CASP6: variants seen among roughly 807,000 people sequenced by gnomAD.
The protein encoded by CASP6 is caspase 6, also known as caspase-6.
A neutral mutation model predicts 31.8 loss-of-function variants in CASP6; 20 were observed. The ratio of observed to expected loss-of-function variants is 0.63; its 90% CI spans 0.44 to 0.91. The LOEUF is 0.91. Among genes scored for constraint, CASP6 ranks in the 40% least tolerant of loss-of-function variants. The pLI is 0.00. For synonymous variants in CASP6, 130 were observed against 127.8 expected, an observed-to-expected ratio of 1.02 and a Z score of -0.12; for missense variants, 328 against 361.1, an observed-to-expected ratio of 0.91 and a Z score of 0.74.
At chr4:109,685,149 G>C (rs1436726231), downstream of CASP6, 9 of 626,474 alleles carry the variant, frequency 1.4e-5, no homozygotes, top group East Asian at 5.1e-5. Context: ...TCATTCATCT[G>C]CCTTCTTTTG....
At chr4:109,704,528 G>A (rs971629818), upstream of CASP6, among the ~76,000 whole-genome samples, 5 of 152,250 alleles carry the variant, frequency 3.3e-5, no homozygotes, top group African/African-American at 1.2e-4. Flanking sequence ...TATGGAGGCT[G>A]AGAGAGGTGA....
the CASP6 span, among the ~76,000 whole-genome samples, chr4:109,678,653 C>T: frequency 6.8e-6 from 1 of 147,506 alleles, no homozygotes; most frequent in Non-Finnish European, 1.5e-5. Context: ...CAGAGGCGCT[C>T]CTCACCTCTC....
chr4:109,706,687 T>C (rs1375065620), upstream of CASP6, among the ~76,000 whole-genome samples: 1 of 152,052 alleles, frequency 6.6e-6, no homozygotes, highest in Non-Finnish European at 1.5e-5. Context: ...TCCCAGGACT[T>C]TGGGAGGCCA....
At chr4:109,682,640 A>G in the CASP6 span, 2 of 1,613,300 alleles carry the variant, frequency 1.2e-6, no homozygotes, top group East Asian at 2.2e-5. Flanking sequence ...TGGTTCACAG[A>G]CTATTTACAA....
the CASP6 span, among the ~76,000 whole-genome samples, chr4:109,677,745 T>A: frequency 6.6e-6 from 1 of 151,728 alleles, no homozygotes; most frequent in African/African-American, 2.4e-5. Flanking sequence ...TGCTGGTGCA[T>A]TGATCTTGGA....
At chr4:109,686,449 A>G (rs940548049), downstream of CASP6, among the ~76,000 whole-genome samples, 1 of 152,218 alleles carries the variant, frequency 6.6e-6, no homozygotes, top group Non-Finnish European at 1.5e-5. Context: ...AAGCCTTTTT[A>G]AAAAATGTAT....
At chr4:109,694,487 A>C in intron 5 of CASP6, 38 bp downstream of exon 5, 1 of 1,484,302 alleles carries the variant, frequency 6.7e-7, no homozygotes, top group Non-Finnish European at 9.0e-7. Flanking sequence ...TCAGAATGAC[A>C]GACTTTATAA....
At chr4:109,665,935 A>G in the CASP6 span, among the ~76,000 whole-genome samples, 1 of 151,858 alleles carries the variant, frequency 6.6e-6, no homozygotes, top group African/African-American at 2.4e-5. Context: ...GAGGAGTGAA[A>G]AAAGGGGGAG....
chr4:109,695,464 A>G (rs1165371661), intron 4 of CASP6, among the ~76,000 whole-genome samples: 2 of 152,162 alleles, frequency 1.3e-5, no homozygotes, highest in Non-Finnish European at 2.9e-5. Context: ...CTATAGGAAT[A>G]CAGCACTTAG....
At chr4:109,707,685 T>A (rs1309071565), upstream of CASP6, among the ~76,000 whole-genome samples, 1 of 152,154 alleles carries the variant, frequency 6.6e-6, no homozygotes, top group East Asian at 1.9e-4. Flanking sequence ...ACCTGGCTTC[T>A]CCTGGATTTT....
At chr4:109,690,402 A>G (rs959971360) in intron 6 of CASP6, among the ~76,000 whole-genome samples, 3 of 151,890 alleles carry the variant, frequency 2.0e-5, no homozygotes, top group Non-Finnish European at 4.4e-5. Context: ...GCATGCCTAT[A>G]GTCCCAGCTA....
chr4:109,687,592 A>G (rs965758759), downstream of CASP6: 1 of 1,596,530 alleles, frequency 6.3e-7, no homozygotes, highest in East Asian at 2.2e-5. Context: ...AAAAGAATTA[A>G]TCTTACAGTT....
intron 4 of CASP6, 107 bp from the exon 5 acceptor site, chr4:109,694,807 G>A: frequency 6.5e-6 from 7 of 1,081,140 alleles, no homozygotes; most frequent in Non-Finnish European, 8.8e-6. Flanking sequence ...CCACATGATT[G>A]GGGAGGAGGA....
At chr4:109,686,964 GTTTT>G (rs149021049), downstream of CASP6, among the ~76,000 whole-genome samples, 5,642 of 148,572 alleles carry the variant, frequency 0.038, 368 homozygotes, top group African/African-American at 0.13. Flanking sequence ...TAGGTTAAGG[GTTTT>G]TTTTTTAAGA....
In CASP6 at chr4:109,697,825, T is replaced by A. The variant is rs138218169; in HGVS notation, c.84-57A>T. 1,381 of 1,571,080 alleles carry A rather than the reference T, an allele frequency of 8.8e-4. 25 individuals carry two copies. The East Asian group carries it at 0.028, about 32-fold the overall frequency. ...CAAGTCATATTAAATAATGAGCCCCTCCAAGTTCTAGGTCAACATGTAGAT... is the reference window on the plus strand; with the variant it reads ...CAAGTCATATTAAATAATGAGCCCCACCAAGTTCTAGGTCAACATGTAGAT... On this transcript the variant is annotated intron_variant, in intron 2 of 6. Coordinates refer to ENST00000265164, the MANE Select transcript of CASP6 (RefSeq NM_001226.4).
intron 5 of CASP6, among the ~76,000 whole-genome samples, chr4:109,693,349 A>G (rs1047947805): frequency 6.6e-6 from 1 of 152,214 alleles, no homozygotes; most frequent in Non-Finnish European, 1.5e-5. Flanking sequence ...CTATTCATGG[A>G]AATACAGAAT....
the CASP6 span, among the ~76,000 whole-genome samples, chr4:109,678,868 CG>C: frequency 7.1e-6 from 1 of 140,714 alleles, no homozygotes; most frequent in African/African-American, 2.7e-5. Flanking sequence ...ATGGGGCGGC[CG>C]GGCAGAGACA....
upstream of CASP6, chr4:109,703,658 G>A: frequency 3.7e-6 from 2 of 543,878 alleles, no homozygotes; most frequent in East Asian, 3.2e-5. Flanking sequence ...TCGCCTCCAG[G>A]CCCGCTGGGA....
At chr4:109,697,569 A>C in intron 3 of CASP6, 53 bp downstream of exon 3, 4 of 1,546,670 alleles carry the variant, frequency 2.6e-6, no homozygotes, top group Non-Finnish European at 2.6e-6. Flanking sequence ...ACCTGGCCAA[A>C]AGTAATTTTA....
Sources: gnomAD v4.1 joint callset for allele counts (sites outside exome capture counted in the v4.1 genomes callset) on GRCh38, gnomAD v4.1.1 for gene constraint, MANE v1.5 for transcripts, NCBI Gene and HGNC (gene_info 2026-07-23, HGNC 2026-07-21) for gene names.